Variants in SLC14A2 observed in about 807,000 individuals in gnomAD.
The protein encoded by SLC14A2 is solute carrier family 14 member 2.
A neutral mutation model predicts 104.6 loss-of-function variants in SLC14A2; 91 were observed. That is an observed-to-expected ratio of 0.87 (90% CI 0.73 to 1.04). The LOEUF (loss-of-function observed/expected upper bound fraction) is 1.04, where lower values mean the gene tolerates loss of function less well. Among genes scored for constraint, SLC14A2 ranks in the 50% least tolerant of loss-of-function variants. The pLI, the probability that SLC14A2 is intolerant of heterozygous loss-of-function variation, is 0.00. For synonymous variants in SLC14A2, 476 were observed against 466.4 expected, an observed-to-expected ratio of 1.02 and a Z score of -0.27; for missense variants, 1,189 against 1,156.0, an observed-to-expected ratio of 1.03 and a Z score of -0.41.
chr18:45,271,621 T>C (rs1434545808), intron 1 of SLC14A2, among the ~76,000 whole-genome samples: 1 of 152,062 alleles, frequency 6.6e-6, no homozygotes, highest in African/African-American at 2.4e-5. Context: ...TAATGAAAAC[T>C]ATAAAACACT....
At chr18:45,342,990 G>A (rs140769186) in intron 1 of SLC14A2, among the ~76,000 whole-genome samples, 9 of 152,118 alleles carry the variant, frequency 5.9e-5, no homozygotes, top group East Asian at 1.9e-4. Context: ...TACAAACTCC[G>A]AACCATTGTC....
chr18:45,360,657 GCT>G (rs985776006), intron 1 of SLC14A2, among the ~76,000 whole-genome samples: 16 of 152,316 alleles, frequency 1.1e-4, no homozygotes, highest in African/African-American at 3.6e-4. Context: ...TTGCCTAAAG[GCT>G]CTCTAGCTGG....
chr18:45,679,010 A>G lies in SLC14A2; in HGVS notation c.2548A>G (p.Asn850Asp), dbSNP rs2046272921. ...TGCCTACCTGGGTGCTGCCCTGGCT[A>G]ACATGTTATCTGTGGTGAGTCAACA... ...FAAYLGAALANMLSVFGLPPC... is the reference protein window; with the variant it reads ...FAAYLGAALADMLSVFGLPPC... The change falls in exon 19 of 20, where the codon AAC (asparagine) becomes GAC (aspartate). Residue 850 changes from asparagine to aspartate, a missense_variant. Physicochemically the swap from Asn to Asp is conservative, Grantham distance 23. Coordinates refer to ENST00000255226, the MANE Select transcript of SLC14A2 (RefSeq NM_007163.4). 1 of 1,604,466 alleles carries G rather than the reference A, an allele frequency of 6.2e-7. No individual in the cohort carries two copies. The highest frequency in any genetic ancestry group is 1.1e-5 in the South Asian group (1 of 90,824).
rs894302899 is a variant in SLC14A2, at chr18:45,682,325, T to C, written c.2569T>C (p.Leu857=). 1.2e-6 allele frequency: 2 copies of C among 1,614,160 alleles called. No homozygotes were observed. The highest frequency in any genetic ancestry group is 2.2e-5 in the South Asian group (2 of 91,072). The part of the protein sequence containing the change: ...ALANMLSVFG[L]PPCTWPFCLS... Reference sequence around the variant, plus strand: ...CTGTGTTCTTTCTCTCCAGTTTGGATTGCCGCCCTGCACTTGGCCCTTCTG... The same window carrying C: ...CTGTGTTCTTTCTCTCCAGTTTGGACTGCCGCCCTGCACTTGGCCCTTCTG... The change falls in exon 20 of 20, where the codon TTG becomes CTG. Residue 857 remains leucine, a synonymous_variant. Transcript: ENST00000255226.
intron 2 of SLC14A2, among the ~76,000 whole-genome samples, chr18:45,498,919 C>T (rs1214598514): frequency 6.6e-6 from 1 of 152,224 alleles, no homozygotes; most frequent in African/African-American, 2.4e-5. Flanking sequence ...TCCACAGAAA[C>T]TTCTCTAACT....
chr18:45,410,575 A>G (rs1305611831), intron 1 of SLC14A2, among the ~76,000 whole-genome samples: 1 of 152,206 alleles, frequency 6.6e-6, no homozygotes, highest in Non-Finnish European at 1.5e-5. Context: ...AGCCAGCTAC[A>G]GCACTGAGGA....
chr18:45,600,601 C>T (rs959468153), intron 2 of SLC14A2, among the ~76,000 whole-genome samples: 1 of 152,140 alleles, frequency 6.6e-6, no homozygotes, highest in South Asian at 2.1e-4. Flanking sequence ...CCTGTGCACA[C>T]CTCTGCACAG....
intron 1 of SLC14A2, among the ~76,000 whole-genome samples, chr18:45,400,501 C>T (rs191638231): frequency 2.4e-4 from 36 of 152,274 alleles, no homozygotes; most frequent in African/African-American, 7.7e-4. Flanking sequence ...TATCTTTGAT[C>T]GGTTGATTTA....
intron 2 of SLC14A2, among the ~76,000 whole-genome samples, chr18:45,494,915 T>C (rs12955013): frequency 6.5e-4 from 97 of 148,720 alleles, no homozygotes; most frequent in African/African-American, 1.8e-3. Flanking sequence ...CACACACACA[T>C]ACACACACAC....
intron 1 of SLC14A2, among the ~76,000 whole-genome samples, chr18:45,229,999 C>T (rs1324830509): frequency 1.3e-5 from 2 of 152,188 alleles, no homozygotes; most frequent in Non-Finnish European, 2.9e-5. Context: ...AACAATAAAA[C>T]ATATCTCAAA....
chr18:45,646,984 G>T (rs889286201), intron 10 of SLC14A2: 2 of 152,188 alleles, frequency 1.3e-5, no homozygotes, highest in African/African-American at 4.8e-5. Flanking sequence ...AGATGTGTCA[G>T]TTTGGAGAGA....
At chr18:45,614,285 AG>A (rs2045023448), upstream of SLC14A2, among the ~76,000 whole-genome samples, 1 of 152,264 alleles carries the variant, frequency 6.6e-6, no homozygotes, top group African/African-American at 2.4e-5. Flanking sequence ...ATGAAACGCC[AG>A]GATGTCCAGG....
rs544359436 is a variant in SLC14A2, at chr18:45,255,598, G to T, written c.-125+42407G>T. ...AGAAAGTGATTGCCTGTCATCTCAAGATGTTAGAGTCAACAGCAGGTCTGC... is the reference window on the plus strand; with the variant it reads ...AGAAAGTGATTGCCTGTCATCTCAATATGTTAGAGTCAACAGCAGGTCTGC... On this transcript the variant is annotated intron_variant, in intron 1 of 20. Transcript: ENST00000586448. Among the ~76,000 whole-genome samples the T allele has an allele frequency of 1.4e-4, 21 of 152,280 alleles. No homozygotes were observed. The South Asian group carries it at 3.7e-3, about 27-fold the overall frequency.
intron 1 of SLC14A2, among the ~76,000 whole-genome samples, chr18:45,481,006 C>T (rs1385664938): frequency 2.0e-5 from 3 of 151,934 alleles, no homozygotes; most frequent in East Asian, 3.9e-4. Context: ...ACACAAAAGA[C>T]CTGGGGCAGA....
At chr18:45,192,039 A>C in the SLC14A2 span, among the ~76,000 whole-genome samples, 1 of 152,200 alleles carries the variant, frequency 6.6e-6, no homozygotes, top group Non-Finnish European at 1.5e-5. Flanking sequence ...ACTCATGAGA[A>C]TATCCATATG....
intron 1 of SLC14A2, among the ~76,000 whole-genome samples, chr18:45,250,916 C>T (rs2144075207): frequency 6.6e-6 from 1 of 152,038 alleles, no homozygotes; most frequent in Admixed American, 6.5e-5. Flanking sequence ...TGTGTAGGTC[C>T]TACCAGAAAT....
At position 45,329,909 on chromosome 18, in the gene SLC14A2, T is replaced by C. The variant is rs1198447478; in HGVS notation, c.-125+116718T>C. On this transcript the variant is annotated intron_variant, in intron 1 of 20. Coordinates refer to the SLC14A2 transcript ENST00000586448. ...TCATGGTTTGTAATATAATAAATAA[T>C]ACTTGTAAACCTATTATCATCCTTG... Among the ~76,000 whole-genome samples the C allele has an allele frequency of 2.0e-5, 3 of 152,198 alleles. No homozygotes were observed. The East Asian group carries it at 5.8e-4, about 29-fold the overall frequency.
At chr18:45,599,501 G>C (rs1216007587) in intron 2 of SLC14A2, among the ~76,000 whole-genome samples, 1 of 152,210 alleles carries the variant, frequency 6.6e-6, no homozygotes, top group African/African-American at 2.4e-5. Flanking sequence ...CAGGACTTAG[G>C]AAGTGAGCAG....
intron 1 of SLC14A2, among the ~76,000 whole-genome samples, chr18:45,256,332 A>G (rs1331404136): frequency 6.6e-6 from 1 of 152,130 alleles, no homozygotes; most frequent in Non-Finnish European, 1.5e-5. Flanking sequence ...AATTGTGGGG[A>G]AAAAAATAAG....
Sources: gnomAD v4.1 joint callset for allele counts (sites outside exome capture counted in the v4.1 genomes callset) on GRCh38, gnomAD v4.1.1 for gene constraint, MANE v1.5 for transcripts, NCBI Gene and HGNC (gene_info 2026-07-23, HGNC 2026-07-21) for gene names.